CEP152: variants seen among roughly 807,000 people sequenced by gnomAD.
CEP152 encodes centrosomal protein of 152 kDa.
Under a neutral mutation model 188.9 loss-of-function variants are expected in CEP152, and 132 were observed. The ratio of observed to expected loss-of-function variants is 0.70; its 90% CI spans 0.61 to 0.81. The LOEUF (loss-of-function observed/expected upper bound fraction) is 0.81, where lower values mean the gene tolerates loss of function less well. CEP152 is among the 30% of genes least tolerant of loss of function. The probability of loss-of-function intolerance (pLI) is 0.00; values close to 1 mark genes in which losing one functional copy is unlikely to be tolerated. For synonymous variants in CEP152, 649 were observed against 666.6 expected, an observed-to-expected ratio of 0.97 and a Z score of 0.41; for missense variants, 1,914 against 1,969.8, an observed-to-expected ratio of 0.97 and a Z score of 0.54.
At chr15:48,772,738 A>C (rs772363834) in intron 12 of CEP152, 47 bp from the exon 13 acceptor site, 7 of 1,520,634 alleles carry the variant, frequency 4.6e-6, no homozygotes, top group South Asian at 1.1e-5. Context: ...GTAATAAATC[A>C]GACATGGTTA....
chr15:48,735,403 G>A (rs1425084864), downstream of CEP152, among the ~76,000 whole-genome samples: 1 of 152,160 alleles, frequency 6.6e-6, no homozygotes, highest in Non-Finnish European at 1.5e-5. Context: ...TATCAATAGA[G>A]AACAGTTTCA....
In CEP152 at chr15:48,738,812, A is replaced by C; in HGVS notation, c.4570T>G (p.Phe1524Val). The C allele has an allele frequency of 6.2e-7, 1 of 1,614,210 alleles. No individual in the cohort carries two copies. The highest frequency in any genetic ancestry group is 8.5e-7 in the Non-Finnish European group (1 of 1,180,016). Residue 1524 changes from phenylalanine to valine, a missense_variant, in exon 27 of 27, where the codon TTT becomes GTT. Coordinates refer to ENST00000380950, the MANE Select transcript of CEP152 (RefSeq NM_001194998.2). Reference protein sequence around the residue: ...PSESGCMHITFRDSNERLGLK... With the variant: ...PSESGCMHITVRDSNERLGLK... ...CCAAGTCTTTCATTAGAATCGCGAA[A>C]GGTTATATGCATGCATCCTGATTCA...
chr15:48,772,976 G>T (rs1347280921), intron 12 of CEP152, among the ~76,000 whole-genome samples: 1 of 152,144 alleles, frequency 6.6e-6, no homozygotes, highest in African/African-American at 2.4e-5. Context: ...TTACATTTGT[G>T]TTATTGGAAA....
intron 18 of CEP152, 92 bp from the exon 19 acceptor site, chr15:48,760,358 A>G (rs1894590433): frequency 4.2e-6 from 6 of 1,442,796 alleles, no homozygotes; most frequent in South Asian, 3.4e-5. Flanking sequence ...TCAGTATTTT[A>G]TACTGTATAT....
rs568378387 is a variant in CEP152 at position 48,794,917 on chromosome 15, G to A, written c.691+1093C>T. ...GGCCTCCCCCTGTAACTACCCTGCC[G>A]TCCCAGTGTACGATGGAAGCAACAA... On this transcript the variant is annotated intron_variant, in intron 6 of 26. Coordinates refer to ENST00000380950, the MANE Select transcript of CEP152 (RefSeq NM_001194998.2). Among the ~76,000 whole-genome samples, 14 of 152,266 alleles carry A rather than the reference G, an allele frequency of 9.2e-5. 1 individual carries two copies. Among genetic ancestry groups the A allele is most frequent in the South Asian group, 6.2e-4 (3 of 4,824 alleles).
rs1381610095 is a variant in CEP152, at chr15:48,738,080, T to G, written c.*169A>C. On this transcript the variant is annotated 3_prime_UTR_variant, in exon 27 of 27. Transcript: ENST00000380950. Reference sequence around the variant, plus strand: ...CATACACCATCAGGCCTTTGGAATATTAAGGCAACATAAATATCTCAAGCA... The same window carrying G: ...CATACACCATCAGGCCTTTGGAATAGTAAGGCAACATAAATATCTCAAGCA... 1 of 750,796 alleles carries G rather than the reference T, an allele frequency of 1.3e-6. No homozygotes were observed. Among genetic ancestry groups the G allele is most frequent in the Admixed American group, 3.0e-5 (1 of 33,090 alleles). The allele number at this position is 750,796 out of a possible 1,614,324, so 46.5% of individuals were successfully genotyped here.
intron 1 of CEP152, among the ~76,000 whole-genome samples, chr15:48,808,425 T>A (rs963656171): frequency 1.6e-4 from 25 of 151,702 alleles, no homozygotes; most frequent in Middle Eastern, 3.4e-3. Flanking sequence ...AAAATAAGAA[T>A]AAAAAAAATT....
In CEP152 at chr15:48,767,118, T is replaced by A; in HGVS notation, c.2222A>T (p.Asp741Val). 1.2e-6 allele frequency: 2 copies of A among 1,613,684 alleles called. No individual in the cohort carries two copies. Among genetic ancestry groups the A allele is most frequent in the Non-Finnish European group, 1.7e-6 (2 of 1,180,008 alleles). The part of the protein sequence containing the change: ...ECYLEVCREK[D>V]NLELTLRKTT... ...CTTCCTGAGAGTCAATTCTAGATTATCCTTCTCTCTGCACACTTCTAGGTA... is the reference window on the plus strand; with the variant it reads ...CTTCCTGAGAGTCAATTCTAGATTAACCTTCTCTCTGCACACTTCTAGGTA... Residue 741 changes from aspartate to valine, a missense_variant, in exon 17 of 27, where the codon GAT becomes GTT. By Grantham distance (152) the Asp-to-Val change is radical (BLOSUM62 -3). Transcript: ENST00000380950.
In CEP152 at chr15:48,772,615, G is replaced by A. The variant is rs771215715; in HGVS notation, c.1654C>T (p.Arg552Cys). The A allele has an allele frequency of 1.4e-5, 22 of 1,613,932 alleles. No homozygotes were observed. Among genetic ancestry groups the A allele is most frequent in the South Asian group, 2.2e-5 (2 of 91,088 alleles). ...FILKLKAEVQ[R>C]LLGSNSMKRH... ...TTCATTGAGTTGCTACCCAGCAAAC[G>A]CTGTACTTCTGCCTTTAACTTCAGA... The change falls in exon 13 of 27, where the codon CGT becomes TGT. Residue 552 changes from arginine to cysteine, a missense_variant. Coordinates refer to ENST00000380950, the MANE Select transcript of CEP152 (RefSeq NM_001194998.2).
chr15:48,784,452 C>A (rs924019743), intron 9 of CEP152, among the ~76,000 whole-genome samples: 1 of 152,140 alleles, frequency 6.6e-6, no homozygotes, highest in Non-Finnish European at 1.5e-5. Context: ...CATTCCTATG[C>A]GTATTTTATA....
chr15:48,763,007 A>T (rs1288538738), intron 17 of CEP152, among the ~76,000 whole-genome samples: 1 of 152,074 alleles, frequency 6.6e-6, no homozygotes, highest in Non-Finnish European at 1.5e-5. Flanking sequence ...AAAAAATTAC[A>T]GTTAATGTGT....
intron 8 of CEP152, among the ~76,000 whole-genome samples, chr15:48,790,669 C>T (rs1383394153): frequency 1.3e-5 from 2 of 152,154 alleles, no homozygotes; most frequent in African/African-American, 4.8e-5. Context: ...TGGGTTCAAG[C>T]GATTCTGCTG....
At chr15:48,808,016 T>G (rs1898096640) in intron 1 of CEP152, among the ~76,000 whole-genome samples, 1 of 152,150 alleles carries the variant, frequency 6.6e-6, no homozygotes, top group African/African-American at 2.4e-5. Flanking sequence ...TCTCCCCCAC[T>G]GAAGAAGGTA....
chr15:48,755,900 T>C lies in CEP152; in HGVS notation c.3345+3A>G, dbSNP rs780990996. 5.0e-6 allele frequency: 8 copies of C among 1,613,550 alleles called. No homozygotes were observed. The highest frequency in any genetic ancestry group is 4.4e-5 in the South Asian group (4 of 91,068). The stretch of plus-strand genomic sequence containing the variant: ...ATACCTTCTCTCACTCTCAGGAACA[T>C]ACCTTTTTCCATTCTGGGTCAGCGT... On this transcript the variant is annotated splice_donor_region_variant and intron_variant, in intron 20 of 26. Transcript: ENST00000380950.
intron 9 of CEP152, among the ~76,000 whole-genome samples, chr15:48,785,862 G>C (rs1412337873): frequency 6.7e-6 from 1 of 149,742 alleles, no homozygotes; most frequent in Non-Finnish European, 1.5e-5. Context: ...ATAAAGAGAT[G>C]ACGGCTGAAC....
At chr15:48,805,462 C>A in intron 2 of CEP152, 101 bp downstream of exon 2, 18 of 1,410,110 alleles carry the variant, frequency 1.3e-5, no homozygotes, top group East Asian at 2.7e-5. Context: ...AAATCCAAAT[C>A]CCTTCAAAAT....
chr15:48,745,065 T>C, intron 22 of CEP152, 73 bp from the exon 23 acceptor site: 1 of 1,056,078 alleles, frequency 9.5e-7, no homozygotes, highest in Non-Finnish European at 1.4e-6. Flanking sequence ...AAGTTCCCAA[T>C]ACAAATGTTT....
In CEP152 at chr15:48,769,045, A is replaced by T. The variant is rs1464693244; in HGVS notation, c.1819T>A (p.Leu607Ile). 2 of 1,606,050 alleles carry T rather than the reference A, an allele frequency of 1.2e-6. No individual in the cohort carries two copies. Among genetic ancestry groups the T allele is most frequent in the Non-Finnish European group, 1.7e-6 (2 of 1,173,296 alleles). ...TCAGAAGTAGAAGACTCAGGCCATA[A>T]TTGATTCTTTGGTTTTTCTGAGGTA... ...TDTSEKPKNQ[L>I]WPESSTSDVV... The change falls in exon 14 of 27, where the codon TTA (leucine) becomes ATA (isoleucine). Residue 607 changes from leucine (L) to isoleucine (I), a missense_variant. Coordinates refer to ENST00000380950, the MANE Select transcript of CEP152 (RefSeq NM_001194998.2).
chr15:48,760,360 A>G (rs1311311691), intron 18 of CEP152, 94 bp from the exon 19 acceptor site: 1 of 1,405,218 alleles, frequency 7.1e-7, no homozygotes. Flanking sequence ...AGTATTTTAT[A>G]CTGTATATCA....
Sources: allele counts gnomAD v4.1 joint callset (sites outside exome capture counted in the v4.1 genomes callset), GRCh38; gene constraint gnomAD v4.1.1; transcripts MANE v1.5; gene names NCBI Gene and HGNC (gene_info 2026-07-23, HGNC 2026-07-21).